The following CADPS2 variants were observed in gnomAD, a reference collection of about 807,000 sequenced individuals.
CADPS2 encodes calcium dependent secretion activator 2, also known as calcium-dependent secretion activator 2.
Under a neutral mutation model 172.5 loss-of-function variants are expected in CADPS2, and 93 were observed. The ratio of observed to expected loss-of-function variants is 0.54; its 90% CI spans 0.46 to 0.64. The LOEUF (loss-of-function observed/expected upper bound fraction) is 0.64. Among genes scored for constraint, CADPS2 ranks in the 30% least tolerant of loss-of-function variants. CADPS2 has a pLI of 0.00. For synonymous variants in CADPS2, 546 were observed against 555.2 expected (o/e 0.98, Z 0.23); for missense variants, 1,420 against 1,565.9 (o/e 0.91, Z 1.57).
intron 3 of CADPS2, among the ~76,000 whole-genome samples, chr7:122,636,752 C>G (rs1410256824): frequency 6.6e-6 from 1 of 152,158 alleles, no homozygotes; most frequent in African/African-American, 2.4e-5. Flanking sequence ...CAGGTGTAAG[C>G]CACCAAACTC....
intron 5 of CADPS2, among the ~76,000 whole-genome samples, chr7:122,619,571 G>T (rs1025817204): frequency 2.0e-5 from 3 of 152,162 alleles, no homozygotes; most frequent in African/African-American, 7.2e-5. Flanking sequence ...AGGTTGTGGT[G>T]AGCAGAGATA....
intron 3 of CADPS2, among the ~76,000 whole-genome samples, chr7:122,659,948 A>G (rs185629501): frequency 1.5e-4 from 23 of 152,308 alleles, no homozygotes; most frequent in African/African-American, 5.3e-4. Context: ...GGACTTTCTC[A>G]AACAAAAACT....
intron 2 of CADPS2, among the ~76,000 whole-genome samples, chr7:122,674,190 G>C (rs1005188336): frequency 6.6e-6 from 1 of 152,020 alleles, no homozygotes; most frequent in Non-Finnish European, 1.5e-5. Flanking sequence ...GCACAGCCCC[G>C]GGTCCCCGCC....
intron 5 of CADPS2, among the ~76,000 whole-genome samples, chr7:122,615,795 T>C (rs1349990089): frequency 6.6e-6 from 1 of 152,112 alleles, no homozygotes; most frequent in African/African-American, 2.4e-5. Flanking sequence ...TTATTTGAGA[T>C]TACTATTATT....
chr7:122,552,661 C>T (rs753586718), intron 8 of CADPS2, among the ~76,000 whole-genome samples: 1 of 152,040 alleles, frequency 6.6e-6, no homozygotes, highest in Non-Finnish European at 1.5e-5. Context: ...AGGACCTGCC[C>T]TATGCATGTT....
intron 27 of CADPS2, among the ~76,000 whole-genome samples, chr7:122,355,038 AT>A (rs199738288): frequency 1.3e-5 from 2 of 151,604 alleles, no homozygotes; most frequent in African/African-American, 2.4e-5. Context: ...CCTAAGTATG[AT>A]TTTTTTTTCA....
chr7:122,504,145 A>C (rs1328587481), intron 9 of CADPS2, among the ~76,000 whole-genome samples: 1 of 152,182 alleles, frequency 6.6e-6, no homozygotes, highest in Non-Finnish European at 1.5e-5. Context: ...GGCTTTAGAA[A>C]AATCATTTTA....
intron 11 of CADPS2, among the ~76,000 whole-genome samples, chr7:122,482,377 G>A (rs902354422): frequency 2.6e-5 from 4 of 152,044 alleles, no homozygotes. Flanking sequence ...GTAGAGGACA[G>A]GGGTGCTGTA....
intron 8 of CADPS2, among the ~76,000 whole-genome samples, chr7:122,552,786 T>TA (rs2064479616): frequency 6.6e-6 from 1 of 151,534 alleles, no homozygotes; most frequent in Non-Finnish European, 1.5e-5. Flanking sequence ...TTTTTTTTTT[T>TA]TTTTTTTATT....
intron 1 of CADPS2, among the ~76,000 whole-genome samples, chr7:122,818,435 TA>T (rs2140308382): frequency 6.6e-6 from 1 of 152,258 alleles, no homozygotes; most frequent in South Asian, 2.1e-4. Context: ...GGCATTCTTT[TA>T]CACGTCAGTC....
rs938903740 is a variant in CADPS2, at chr7:122,393,093, C to T, written c.3008+103G>A. ...AAAAAAAAAAACAGTATTCCTCAAC[C>T]AACGATGACAAATGCCATGCAGTCT... On this transcript the variant is annotated intron_variant, in intron 22 of 29. Transcript: ENST00000449022. The T allele has an allele frequency of 4.2e-5, 55 of 1,314,166 alleles. No individual in the cohort carries two copies. The East Asian group carries it at 1.4e-3, about 33-fold the overall frequency. 81.4% of individuals were successfully genotyped at this position (1,314,166 alleles called of 1,614,324 possible).
intron 2 of CADPS2, among the ~76,000 whole-genome samples, chr7:122,711,256 G>C (rs1268122279): frequency 1.3e-5 from 2 of 152,096 alleles, no homozygotes; most frequent in Admixed American, 6.6e-5. Flanking sequence ...CAGCCATAAA[G>C]TAATAACCAT....
intron 2 of CADPS2, among the ~76,000 whole-genome samples, chr7:122,664,489 G>A (rs1387606604): frequency 6.6e-6 from 1 of 152,122 alleles, no homozygotes; most frequent in Non-Finnish European, 1.5e-5. Flanking sequence ...CAAGGGTTGG[G>A]TAAAAATAAG....
intron 1 of CADPS2, among the ~76,000 whole-genome samples, chr7:122,820,969 T>C (rs1406325433): frequency 6.6e-6 from 1 of 151,474 alleles, no homozygotes; most frequent in African/African-American, 2.4e-5. Flanking sequence ...CTCTCTACAG[T>C]TCTCATAACT....
intron 8 of CADPS2, among the ~76,000 whole-genome samples, chr7:122,546,163 T>C (rs2063595917): frequency 6.6e-6 from 1 of 152,186 alleles, no homozygotes. Context: ...TGTGGTGATG[T>C]TTCTTTTTAT....
chr7:122,744,009 G>A (rs1253189333), intron 1 of CADPS2, among the ~76,000 whole-genome samples: 2 of 152,168 alleles, frequency 1.3e-5, no homozygotes, highest in African/African-American at 4.8e-5. Context: ...TTGGGACAGT[G>A]AATAAATATG....
intron 20 of CADPS2, among the ~76,000 whole-genome samples, chr7:122,400,522 T>C (rs540070467): frequency 6.6e-6 from 1 of 152,096 alleles, no homozygotes; most frequent in South Asian, 2.1e-4. Flanking sequence ...GGAATTCAAC[T>C]GAGGGGAAAA....
chr7:122,588,120 C>T (rs2070074864), intron 6 of CADPS2, among the ~76,000 whole-genome samples: 1 of 151,864 alleles, frequency 6.6e-6, no homozygotes, highest in Non-Finnish European at 1.5e-5. Flanking sequence ...AGACCTTGCT[C>T]GAATGGATGG....
chr7:122,800,063 T>C (rs1204752736), intron 1 of CADPS2, among the ~76,000 whole-genome samples: 1 of 152,230 alleles, frequency 6.6e-6, no homozygotes, highest in Non-Finnish European at 1.5e-5. Context: ...GCATAAATTG[T>C]ATTTAACAAG....
Sources: allele counts gnomAD v4.1 joint callset (sites outside exome capture counted in the v4.1 genomes callset), GRCh38; gene constraint gnomAD v4.1.1; transcripts MANE v1.5; gene names NCBI Gene and HGNC (gene_info 2026-07-23, HGNC 2026-07-21).